The following EEF2K variants were observed in gnomAD, a reference collection of about 807,000 sequenced individuals.
EEF2K encodes the protein eukaryotic elongation factor 2 kinase.
EEF2K carries 70 observed loss-of-function variants against 93.8 expected under a neutral mutation model. That is an observed-to-expected ratio of 0.75 (90% CI 0.62 to 0.91). The LOEUF (loss-of-function observed/expected upper bound fraction) is 0.91, where lower values mean the gene tolerates loss of function less well. Among genes scored for constraint, EEF2K ranks in the 40% least tolerant of loss-of-function variants. The pLI is 0.00. For synonymous variants in EEF2K, 376 were observed against 380.8 expected, an observed-to-expected ratio of 0.99 and a Z score of 0.15; for missense variants, 935 against 972.9, an observed-to-expected ratio of 0.96 and a Z score of 0.52.
Position 22,260,521 on chromosome 16 carries a change from A to C in EEF2K, c.1291A>C (p.Asn431His), listed in dbSNP as rs2047452259. The C allele has an allele frequency of 1.2e-6, 2 of 1,613,924 alleles. No individual in the cohort carries two copies. The highest frequency in any genetic ancestry group is 1.7e-6 in the Non-Finnish European group (2 of 1,180,004). ...ATCCAGAGACCATGATCATCTAGAC[A>C]ACCACCGGGTGAGTGTGAAGGGAGG... is the stretch of plus-strand genomic sequence containing the variant. ...MASRDHDHLDNHRESENSGDS... is the reference protein window; with the variant it reads ...MASRDHDHLDHHRESENSGDS... Residue 431 changes from asparagine (N) to histidine (H), a missense_variant, in exon 11 of 18, where the codon AAC (asparagine) becomes CAC (histidine). Asn to His is a moderately conservative substitution (Grantham distance 68). Transcript: ENST00000263026.
In EEF2K at chr16:22,284,522, C is replaced by G. The variant is rs1225184328; in HGVS notation, c.*526C>G. ...TCTCGAACTCCTAACCTCAGGTGATCCACCTGCCTCAGCCTCCCAAAGTGC... is the reference window on the plus strand; with the variant it reads ...TCTCGAACTCCTAACCTCAGGTGATGCACCTGCCTCAGCCTCCCAAAGTGC... On this transcript the variant is annotated 3_prime_UTR_variant, in exon 18 of 18. Coordinates refer to ENST00000263026, the MANE Select transcript of EEF2K (RefSeq NM_013302.5). The G allele has an allele frequency of 6.5e-6, 1 of 152,760 alleles. No individual in the cohort carries two copies. Among genetic ancestry groups the G allele is most frequent in the East Asian group, 1.9e-4 (1 of 5,212 alleles). The allele number at this position is 152,760 out of a possible 1,614,324, so 9.5% of individuals were successfully genotyped here. A position where few individuals can be genotyped will look rare whatever the true frequency, so the allele number is the denominator to read the frequency against.
chr16:22,218,276 G>A (rs1477449334), intron 1 of EEF2K, among the ~76,000 whole-genome samples: 2 of 152,240 alleles, frequency 1.3e-5, no homozygotes, highest in African/African-American at 4.8e-5. Context: ...AATCACCTGT[G>A]TCCACTGTGG....
intron 2 of EEF2K, among the ~76,000 whole-genome samples, chr16:22,228,764 C>T (rs976657806): frequency 1.3e-5 from 2 of 152,092 alleles, no homozygotes; most frequent in Admixed American, 6.6e-5. Context: ...CTGGACAGCT[C>T]GAGCTTCGGG....
At chr16:22,254,672 A>G (rs2047382553) in intron 6 of EEF2K, among the ~76,000 whole-genome samples, 1 of 152,204 alleles carries the variant, frequency 6.6e-6, no homozygotes, top group Non-Finnish European at 1.5e-5. Flanking sequence ...AAAACAAAAA[A>G]AATTCGGCAA....
rs1022913790 is a variant in EEF2K at position 22,256,958 on chromosome 16, A to G, written c.768+61A>G. 284 of 1,599,130 alleles carry G rather than the reference A, an allele frequency of 1.8e-4. 1 individual carries two copies. Among genetic ancestry groups the G allele is most frequent in the Non-Finnish European group, 2.3e-4 (268 of 1,174,004 alleles). ...CAGCCCTTGGGGTGAGATCCTGGCCAGGCTCAGCCCCTAAAGAGGAAGGTC... is the reference window on the plus strand; with the variant it reads ...CAGCCCTTGGGGTGAGATCCTGGCCGGGCTCAGCCCCTAAAGAGGAAGGTC... On this transcript the variant is annotated intron_variant, in intron 7 of 17. Coordinates refer to ENST00000263026, the MANE Select transcript of EEF2K (RefSeq NM_013302.5).
chr16:22,225,015 T>C (rs957768561), intron 1 of EEF2K, among the ~76,000 whole-genome samples: 2 of 151,374 alleles, frequency 1.3e-5, no homozygotes, highest in Non-Finnish European at 2.9e-5. Flanking sequence ...AGGGAGTGAT[T>C]GGATATGCAT....
At chr16:22,216,664 C>G (rs1000661617) in intron 1 of EEF2K, among the ~76,000 whole-genome samples, 3 of 151,960 alleles carry the variant, frequency 2.0e-5, no homozygotes, top group Non-Finnish European at 2.9e-5. Context: ...GAGGTTGACG[C>G]GGGAGGATCA....
rs1273776766 is a variant in EEF2K at position 22,264,990 on chromosome 16, T to G, written c.1440+110T>G. The G allele has an allele frequency of 8.3e-6, 11 of 1,327,654 alleles. No individual in the cohort carries two copies. In the African/African-American group the frequency reaches 8.8e-5, roughly 11 times the overall value. 82.2% of individuals were successfully genotyped at this position (1,327,654 alleles called of 1,614,324 possible). A position where few individuals can be genotyped will look rare whatever the true frequency, so the allele number is the denominator to read the frequency against. ...GCTGCCTGCCCATCTGTCTTGCACATGTGCTAAAGGAAGATTTTGCAAAGC... is the reference window on the plus strand; with the variant it reads ...GCTGCCTGCCCATCTGTCTTGCACAGGTGCTAAAGGAAGATTTTGCAAAGC... On this transcript the variant is annotated intron_variant, in intron 13 of 17. Coordinates refer to ENST00000263026, the MANE Select transcript of EEF2K (RefSeq NM_013302.5).
rs543082823 is a variant in EEF2K, at chr16:22,237,297, C to T, written c.247-7333C>T. ...ATTAACCTACTCAACAACTGAGTTCCGGAATCCTTAGAAATAGAGGATATT... is the reference window on the plus strand; with the variant it reads ...ATTAACCTACTCAACAACTGAGTTCTGGAATCCTTAGAAATAGAGGATATT... On this transcript the variant is annotated intron_variant, in intron 2 of 17. Transcript: ENST00000263026. Among the ~76,000 whole-genome samples the T allele has an allele frequency of 4.6e-5, 7 of 151,994 alleles. No individual in the cohort carries two copies. In the East Asian group the frequency reaches 1.2e-3, roughly 25 times the overall value.
chr16:22,216,570 A>C (rs2046959404), intron 1 of EEF2K, among the ~76,000 whole-genome samples: 1 of 152,146 alleles, frequency 6.6e-6, no homozygotes, highest in South Asian at 2.1e-4. Flanking sequence ...TAGTTGGTGG[A>C]ATAAGACAGT....
At position 22,235,119 on chromosome 16, in the gene EEF2K, C is replaced by T. The variant is rs1021844293; in HGVS notation, c.246+9144C>T. Among the ~76,000 whole-genome samples the T allele has an allele frequency of 7.3e-5, 11 of 151,114 alleles. No individual in the cohort carries two copies. The East Asian group carries it at 7.8e-4, about 11-fold the overall frequency. On this transcript the variant is annotated intron_variant, in intron 2 of 17. Coordinates refer to ENST00000263026, the MANE Select transcript of EEF2K (RefSeq NM_013302.5). ...GTCCCAGTTACTGGGGAGGCTGAGG[C>T]GCAAGAATTGTTTAAACCTGGGAGG...
chr16:22,212,599 C>T (rs2046925803), intron 1 of EEF2K, among the ~76,000 whole-genome samples: 3 of 151,952 alleles, frequency 2.0e-5, no homozygotes, highest in Non-Finnish European at 4.4e-5. Flanking sequence ...GGATTACAGT[C>T]GTGAGCCACC....
chr16:22,232,019 A>AG (rs2047121232), intron 2 of EEF2K, among the ~76,000 whole-genome samples: 1 of 150,318 alleles, frequency 6.7e-6, no homozygotes, highest in Non-Finnish European at 1.5e-5. Context: ...AAAAAAAAAA[A>AG]AGCTTCATCA....
At chr16:22,275,932 A>G (rs936614020) in intron 16 of EEF2K, among the ~76,000 whole-genome samples, 3 of 148,756 alleles carry the variant, frequency 2.0e-5, no homozygotes, top group African/African-American at 7.5e-5. Flanking sequence ...GTGAGCCACC[A>G]TGCCTGGCCT....
At chr16:22,259,571 T>G (rs2047442020) in intron 10 of EEF2K, among the ~76,000 whole-genome samples, 1 of 152,156 alleles carries the variant, frequency 6.6e-6, no homozygotes, top group Admixed American at 6.6e-5. Context: ...ATAGAAAATA[T>G]TAAGTGAGTG....
At chr16:22,248,923 T>G (rs1425556416) in intron 4 of EEF2K, 108 bp downstream of exon 4, 4 of 1,156,362 alleles carry the variant, frequency 3.5e-6, no homozygotes, top group Non-Finnish European at 4.9e-6. Context: ...TTAATTTTTG[T>G]AACTTCGGGG....
At position 22,206,431 on chromosome 16, in the gene EEF2K, C is replaced by T. The variant is rs1230946934; in HGVS notation, c.-325C>T. ...GCGCTCCCACATCCCGGGATCGTCC[C>T]AACGGCCCCTGCGCCCTTCCTGGGA... On this transcript the variant is annotated 5_prime_UTR_variant, in exon 1 of 18. Coordinates refer to ENST00000263026, the MANE Select transcript of EEF2K (RefSeq NM_013302.5). 3 of 152,626 alleles carry T rather than the reference C, an allele frequency of 2.0e-5. No individual in the cohort carries two copies. The highest frequency in any genetic ancestry group is 7.2e-5 in the African/African-American group (3 of 41,464). 9.5% of individuals were successfully genotyped at this position (152,626 alleles called of 1,614,324 possible).
In EEF2K at chr16:22,256,873, T is replaced by A. The variant is rs749106025; in HGVS notation, c.744T>A (p.Asp248Glu). The change falls in exon 7 of 18, where the codon GAT (aspartate) becomes GAA (glutamate). Residue 248 changes from aspartate (D) to glutamate (E), a missense_variant. Coordinates refer to ENST00000263026, the MANE Select transcript of EEF2K (RefSeq NM_013302.5). ...KYNSNSGFVR[D>E]DNIRLTPQAF... ...ACTCCAACTCTGGCTTTGTCCGCGATGACAACATCCGCCTGACGCCGCAGG... is the reference window on the plus strand; with the variant it reads ...ACTCCAACTCTGGCTTTGTCCGCGAAGACAACATCCGCCTGACGCCGCAGG... The A allele has an allele frequency of 6.2e-7, 1 of 1,614,048 alleles. No homozygotes were observed. Among genetic ancestry groups the A allele is most frequent in the Non-Finnish European group, 8.5e-7 (1 of 1,180,048 alleles).
At chr16:22,277,156 A>C (rs1454678606) in intron 16 of EEF2K, among the ~76,000 whole-genome samples, 1 of 152,138 alleles carries the variant, frequency 6.6e-6, no homozygotes, top group African/African-American at 2.4e-5. Context: ...TATTTATTTG[A>C]GACACAATCT....
Sources: allele counts gnomAD v4.1 joint callset (sites outside exome capture counted in the v4.1 genomes callset), GRCh38; gene constraint gnomAD v4.1.1; transcripts MANE v1.5; gene names NCBI Gene and HGNC (gene_info 2026-07-23, HGNC 2026-07-21).